Variants in ATF7 observed in about 807,000 individuals in gnomAD.
The protein encoded by ATF7 is cyclic AMP-dependent transcription factor ATF-7.
A neutral mutation model predicts 50.4 loss-of-function variants in ATF7; 10 were observed. The observed-to-expected ratio is 0.20, with a 90% CI of 0.12 to 0.34. The LOEUF is 0.34. Ranked by LOEUF, ATF7 falls within the 10% of genes least tolerant of loss-of-function variation. The pLI, the probability that ATF7 is intolerant of heterozygous loss-of-function variation, is 1.00. For synonymous variants in ATF7, 201 were observed against 226.4 expected, an observed-to-expected ratio of 0.89 and a Z score of 1.01; for missense variants, 465 against 613.9, an observed-to-expected ratio of 0.76 and a Z score of 2.56.
At chr12:53,590,532 GC>G (rs1392353011) in intron 2 of ATF7, among the ~76,000 whole-genome samples, 3 of 152,154 alleles carry the variant, frequency 2.0e-5, no homozygotes, top group African/African-American at 7.2e-5. Flanking sequence ...CCCAGATACA[GC>G]CCATTCAGTG....
chr12:53,516,834 A>G lies in ATF7; in HGVS notation c.*303T>C. 1 of 378,464 alleles carries G rather than the reference A, an allele frequency of 2.6e-6. No individual in the cohort carries two copies. Among genetic ancestry groups the G allele is most frequent in the Non-Finnish European group, 5.0e-6 (1 of 200,928 alleles). The allele number at this position is 378,464 out of a possible 1,614,324, so 23.4% of individuals were successfully genotyped here. On this transcript the variant is annotated 3_prime_UTR_variant, in exon 12 of 12. Coordinates refer to ENST00000420353, the MANE Select transcript of ATF7 (RefSeq NM_006856.3). ...AGGGTTAGTGTTAAAAGAGACAGAT[A>G]CACGTGCATGGGGCAGGGGTGATTG...
intron 10 of ATF7, 41 bp from the exon 11 acceptor site, chr12:53,523,425 C>A (rs759489337): frequency 1.4e-6 from 2 of 1,435,094 alleles, no homozygotes; most frequent in Non-Finnish European, 2.0e-6. Flanking sequence ...GAAAATTCAT[C>A]CTCTACTCTT....
chr12:53,617,256 C>T (rs1003669112), intron 1 of ATF7, among the ~76,000 whole-genome samples: 3 of 152,164 alleles, frequency 2.0e-5, no homozygotes, highest in Admixed American at 6.5e-5. Context: ...CTCCTGGGCC[C>T]AAGCCTCCCA....
At chr12:53,521,975 C>A (rs1383006053) in intron 11 of ATF7, among the ~76,000 whole-genome samples, 2 of 152,138 alleles carry the variant, frequency 1.3e-5, no homozygotes, top group Non-Finnish European at 2.9e-5. Flanking sequence ...TACAATATAT[C>A]AAAGTTTGAG....
At chr12:53,600,858 C>T in intron 2 of ATF7, 95 bp downstream of exon 2, 18 of 1,244,198 alleles carry the variant, frequency 1.4e-5, no homozygotes, top group Non-Finnish European at 2.0e-5. Flanking sequence ...CCAGTGATCA[C>T]GTAAAATACT....
At chr12:53,585,110 C>T (rs1305418933) in intron 2 of ATF7, among the ~76,000 whole-genome samples, 1 of 152,072 alleles carries the variant, frequency 6.6e-6, no homozygotes, top group Non-Finnish European at 1.5e-5. Context: ...ATAGCTGGGA[C>T]TACAGGTGCA....
chr12:53,591,542 C>T (rs538713095), intron 2 of ATF7, among the ~76,000 whole-genome samples: 3 of 152,194 alleles, frequency 2.0e-5, no homozygotes, highest in African/African-American at 4.8e-5. Context: ...GGCATACTTA[C>T]GAGTATCACC....
chr12:53,601,782 T>C, intron 1 of ATF7, among the ~76,000 whole-genome samples: 1 of 152,204 alleles, frequency 6.6e-6, no homozygotes, highest in East Asian at 1.9e-4. Context: ...TCGGCCAGTG[T>C]TCTTGGGCTG....
In ATF7 at chr12:53,516,860, T is replaced by C. The variant is rs1010233023; in HGVS notation, c.*277A>G. ...CACGTGCATGGGGCAGGGGTGATTGTTCGGACCATCTGGAAAGGCCTTTGG... is the reference window on the plus strand; with the variant it reads ...CACGTGCATGGGGCAGGGGTGATTGCTCGGACCATCTGGAAAGGCCTTTGG... On this transcript the variant is annotated 3_prime_UTR_variant, in exon 12 of 12. Transcript: ENST00000420353. 3.4e-5 allele frequency: 17 copies of C among 493,898 alleles called. No homozygotes were observed. The highest frequency in any genetic ancestry group is 3.7e-6 in the Non-Finnish European group (1 of 269,366). 30.6% of individuals were successfully genotyped at this position (493,898 alleles called of 1,614,324 possible). A position where few individuals can be genotyped will look rare whatever the true frequency, so the allele number is the denominator to read the frequency against.
intron 1 of ATF7, among the ~76,000 whole-genome samples, chr12:53,620,988 T>C (rs2137944218): frequency 6.6e-6 from 1 of 152,344 alleles, no homozygotes; most frequent in Admixed American, 6.5e-5. Flanking sequence ...AGATTCTAAA[T>C]GAATTATTAA....
intron 2 of ATF7, among the ~76,000 whole-genome samples, chr12:53,558,992 T>C (rs985498872): frequency 2.0e-5 from 3 of 151,766 alleles, no homozygotes; most frequent in Non-Finnish European, 4.4e-5. Flanking sequence ...AAGTAAAGAG[T>C]TAGGATGGGC....
At chr12:53,575,246 A>G (rs1008010772) in intron 2 of ATF7, among the ~76,000 whole-genome samples, 1 of 152,140 alleles carries the variant, frequency 6.6e-6, no homozygotes, top group Admixed American at 6.5e-5. Context: ...TGTCTCTACT[A>G]AAAATACAAA....
Position 53,573,616 on chromosome 12 carries a change from T to C in ATF7, c.49-20979A>G, listed in dbSNP as rs376429747. 1.5e-4 allele frequency among the ~76,000 whole-genome samples: 23 copies of C among 152,256 alleles called. No homozygotes were observed. The East Asian group carries it at 1.9e-3, about 13-fold the overall frequency. On this transcript the variant is annotated intron_variant, in intron 2 of 11. Coordinates refer to ENST00000420353, the MANE Select transcript of ATF7 (RefSeq NM_006856.3). Reference sequence around the variant, plus strand: ...ACAGAGGGCTGACTGTATATAGGGTTTGGTACTATCTGGTTTCATGCCTCC... The same window carrying C: ...ACAGAGGGCTGACTGTATATAGGGTCTGGTACTATCTGGTTTCATGCCTCC...
At chr12:53,529,454 GC>G (rs1342784344) in intron 9 of ATF7, among the ~76,000 whole-genome samples, 8 of 151,552 alleles carry the variant, frequency 5.3e-5, no homozygotes, top group African/African-American at 1.9e-4. Flanking sequence ...GCCCACCTCG[GC>G]CTCCCAAAGT....
At chr12:53,591,150 T>C (rs1462572261) in intron 2 of ATF7, among the ~76,000 whole-genome samples, 2 of 152,166 alleles carry the variant, frequency 1.3e-5, no homozygotes, top group Non-Finnish European at 2.9e-5. Flanking sequence ...AACTCTACTC[T>C]GCACTCAATT....
intron 10 of ATF7, 94 bp from the exon 11 acceptor site, chr12:53,523,478 C>G (rs1938246936): frequency 2.3e-6 from 2 of 874,400 alleles, no homozygotes; most frequent in African/African-American, 3.3e-5. Context: ...AGAATATTGC[C>G]TCGATTTTCT....
chr12:53,542,925 CA>C, intron 4 of ATF7: 1 of 1,041,268 alleles, frequency 9.6e-7, no homozygotes, highest in Non-Finnish European at 1.2e-6. Flanking sequence ...CTTGCTGATT[CA>C]AAAAAACAGT....
intron 2 of ATF7, among the ~76,000 whole-genome samples, chr12:53,596,929 A>G (rs1247534800): frequency 1.3e-5 from 2 of 152,238 alleles, no homozygotes; most frequent in East Asian, 3.8e-4. Flanking sequence ...TCCTCTGCCA[A>G]GAGGGTATCT....
At chr12:53,511,416 A>G (rs1944124259), downstream of ATF7, among the ~76,000 whole-genome samples, 1 of 151,924 alleles carries the variant, frequency 6.6e-6, no homozygotes, top group Non-Finnish European at 1.5e-5. Flanking sequence ...CACCTGGCTA[A>G]TTTTTGTATT....
Sources: gnomAD v4.1 joint callset for allele counts (sites outside exome capture counted in the v4.1 genomes callset) on GRCh38, gnomAD v4.1.1 for gene constraint, MANE v1.5 for transcripts, NCBI Gene and HGNC (gene_info 2026-07-23, HGNC 2026-07-21) for gene names.